Variants in HIVEP2 observed in about 807,000 individuals in gnomAD.
The protein encoded by HIVEP2 is HIVEP zinc finger 2, also known as transcription factor HIVEP2.
HIVEP2 carries 14 observed loss-of-function variants against 180.7 expected under a neutral mutation model. That is an observed-to-expected ratio of 0.08 (90% CI 0.05 to 0.12). The LOEUF (loss-of-function observed/expected upper bound fraction) is 0.12. Among genes scored for constraint, HIVEP2 ranks in the 10% least tolerant of loss-of-function variants. HIVEP2 has a pLI of 1.00. For synonymous variants in HIVEP2, 1,184 were observed against 1,136.4 expected (o/e 1.04, Z -0.84); for missense variants, 2,579 against 3,008.5 (o/e 0.86, Z 3.34).
chr6:142,773,464 G>T lies in HIVEP2; in HGVS notation c.1275C>A (p.Ile425=), dbSNP rs375105887. The T allele has an allele frequency of 3.0e-5, 48 of 1,614,122 alleles. No homozygotes were observed. Among genetic ancestry groups the T allele is most frequent in the Non-Finnish European group, 3.9e-5 (46 of 1,180,060 alleles). ...GACTAAGCCGACAGTATTTTCCAAA[G>T]ATGATTTCTTCATAAGACTTTGCAT... The part of the protein sequence containing the change: ...NTNAKSYEEI[I]FGKYCRLSPR... The change falls in exon 5 of 10, where the codon ATC becomes ATA. Residue 425 remains isoleucine, a synonymous_variant. Transcript: ENST00000367603.
chr6:142,789,915 CA>C (rs1373490811), intron 2 of HIVEP2, among the ~76,000 whole-genome samples: 2 of 151,846 alleles, frequency 1.3e-5, no homozygotes, highest in East Asian at 1.9e-4. Context: ...ATAAATGCAA[CA>C]AAAATTTTAA....
chr6:142,816,196 T>A (rs534415396), intron 2 of HIVEP2, among the ~76,000 whole-genome samples: 2 of 152,174 alleles, frequency 1.3e-5, no homozygotes, highest in Non-Finnish European at 2.9e-5. Flanking sequence ...AATTAGGGCT[T>A]GAATATTCTG....
intron 1 of HIVEP2, among the ~76,000 whole-genome samples, chr6:142,853,937 G>A (rs1775753883): frequency 6.6e-6 from 1 of 152,178 alleles, no homozygotes; most frequent in African/African-American, 2.4e-5. Flanking sequence ...AATTGAGGAA[G>A]AGAAGGGAAT....
intron 2 of HIVEP2, among the ~76,000 whole-genome samples, chr6:142,789,202 C>T (rs1776078344): frequency 6.6e-6 from 1 of 152,008 alleles, no homozygotes; most frequent in Admixed American, 6.5e-5. Flanking sequence ...CTAGCTTTTG[C>T]CTTGAGTTAA....
intron 2 of HIVEP2, among the ~76,000 whole-genome samples, chr6:142,819,492 C>T (rs1163339431): frequency 6.6e-6 from 1 of 152,138 alleles, no homozygotes; most frequent in East Asian, 1.9e-4. Context: ...TTAAGTTTCA[C>T]ATACAAGGAA....
chr6:142,900,576 C>T (rs1384170005), intron 1 of HIVEP2, among the ~76,000 whole-genome samples: 1 of 152,142 alleles, frequency 6.6e-6, no homozygotes, highest in Admixed American at 6.5e-5. Flanking sequence ...CAGCCAAGTG[C>T]CCCCCTGAGA....
At chr6:142,935,490 A>G (rs1025458667) in intron 1 of HIVEP2, among the ~76,000 whole-genome samples, 7 of 152,140 alleles carry the variant, frequency 4.6e-5, no homozygotes, top group African/African-American at 1.7e-4. Context: ...CGGAGGTTGC[A>G]GTGGAGGCCC....
intron 1 of HIVEP2, among the ~76,000 whole-genome samples, chr6:142,897,379 C>A (rs1453829929): frequency 6.6e-6 from 1 of 152,152 alleles, no homozygotes; most frequent in Non-Finnish European, 1.5e-5. Context: ...GCGACTCCAC[C>A]CCTAGGGCTG....
At chr6:142,860,295 T>C (rs1261575919) in intron 1 of HIVEP2, among the ~76,000 whole-genome samples, 1 of 152,054 alleles carries the variant, frequency 6.6e-6, no homozygotes, top group African/African-American at 2.4e-5. Context: ...TTCAAGAATT[T>C]AAATAAATTA....
intron 8 of HIVEP2, among the ~76,000 whole-genome samples, 165 bp from the exon 9 acceptor site, chr6:142,760,832 C>T (rs1775213172): frequency 1.3e-5 from 2 of 152,204 alleles, no homozygotes; most frequent in South Asian, 2.1e-4. Flanking sequence ...TGTGACCCTG[C>T]GTTCATTCTA....
chr6:142,755,354 T>C (rs750758682), intron 9 of HIVEP2, among the ~76,000 whole-genome samples: 4 of 152,152 alleles, frequency 2.6e-5, no homozygotes, highest in South Asian at 4.1e-4. Flanking sequence ...ATCCCCCTTG[T>C]ATTTAATCAG....
intron 1 of HIVEP2, among the ~76,000 whole-genome samples, chr6:142,872,091 G>C (rs1366419537): frequency 4.6e-5 from 7 of 152,116 alleles, no homozygotes; most frequent in African/African-American, 1.7e-4. Context: ...CCAGTGCGTA[G>C]GTATCAGCTG....
chr6:142,784,099 C>T (rs989462250), intron 2 of HIVEP2, among the ~76,000 whole-genome samples: 1 of 152,076 alleles, frequency 6.6e-6, no homozygotes, highest in African/African-American at 2.4e-5. Flanking sequence ...AAAATTCAGA[C>T]TTTAAAAGTC....
intron 1 of HIVEP2, among the ~76,000 whole-genome samples, chr6:142,892,638 C>G (rs1776887817): frequency 6.6e-6 from 1 of 152,140 alleles, no homozygotes; most frequent in Admixed American, 6.6e-5. Flanking sequence ...GACATGTGAG[C>G]AAATATTTTA....
chr6:142,943,063 A>G lies in HIVEP2; in HGVS notation c.-641+2036T>C, dbSNP rs942410349. 2.0e-5 allele frequency among the ~76,000 whole-genome samples: 3 copies of G among 152,220 alleles called. No individual in the cohort carries two copies. The highest frequency in any genetic ancestry group is 1.5e-5 in the Non-Finnish European group (1 of 68,026). ...TACTGGTAAATCCCTTTCAGCTCAC[A>G]ATGCAAATGTACAGTTGTCATTTGG... On this transcript the variant is annotated intron_variant, in intron 1 of 9. Transcript: ENST00000367603. The surrounding 1 kb of genome is among the most constrained non-coding windows in gnomAD (Gnocchi z 4.5).
chr6:142,859,692 G>C (rs748134378), intron 1 of HIVEP2, among the ~76,000 whole-genome samples: 48 of 151,218 alleles, frequency 3.2e-4, no homozygotes, highest in Non-Finnish European at 5.9e-4. Flanking sequence ...AAATTAGCCG[G>C]GCATGGTGGT....
At chr6:142,867,212 T>C (rs1448417249) in intron 1 of HIVEP2, among the ~76,000 whole-genome samples, 1 of 151,630 alleles carries the variant, frequency 6.6e-6, no homozygotes, top group South Asian at 2.1e-4. Flanking sequence ...TTTCATAGTC[T>C]TTTTTTTTCT....
intron 1 of HIVEP2, among the ~76,000 whole-genome samples, chr6:142,872,865 T>C (rs189572097): frequency 1.3e-5 from 2 of 152,316 alleles, no homozygotes; most frequent in Admixed American, 1.3e-4. Flanking sequence ...TGGATGCTTT[T>C]CAGTGTATTA....
intron 1 of HIVEP2, among the ~76,000 whole-genome samples, chr6:142,860,211 A>G (rs1362017757): frequency 6.6e-6 from 1 of 152,200 alleles, no homozygotes; most frequent in Non-Finnish European, 1.5e-5. Flanking sequence ...CATTCATGTT[A>G]AGAAGAACCC....
Sources: allele counts gnomAD v4.1 joint callset (sites outside exome capture counted in the v4.1 genomes callset), GRCh38; gene constraint gnomAD v4.1.1; non-coding constraint Gnocchi (gnomAD v3.1); transcripts MANE v1.5; gene names NCBI Gene and HGNC (gene_info 2026-07-23, HGNC 2026-07-21).